The following FUBP3 variants were observed in gnomAD, a reference collection of about 807,000 sequenced individuals.
FUBP3 encodes the protein far upstream element-binding protein 3.
Under a neutral mutation model 85.6 loss-of-function variants are expected in FUBP3, and 28 were observed. That is an observed-to-expected ratio of 0.33 (90% CI 0.24 to 0.45). The LOEUF (loss-of-function observed/expected upper bound fraction) is 0.45, where lower values mean the gene tolerates loss of function less well. FUBP3 is among the 20% of genes least tolerant of loss of function. The pLI, the probability that FUBP3 is intolerant of heterozygous loss-of-function variation, is 1.00. For missense variants in FUBP3, 583 were observed against 755.1 expected (o/e 0.77, Z 2.67); for synonymous variants, 271 against 271.4 (o/e 1.00, Z 0.01).
chr9:130,610,012 A>C, intron 3 of FUBP3, 25 bp downstream of exon 3: 3 of 1,537,698 alleles, frequency 2.0e-6, no homozygotes, highest in Non-Finnish European at 1.8e-6. Context: ...ACGTTTTATT[A>C]TTTATTGATC....
At chr9:130,591,578 C>G (rs934669790) in intron 1 of FUBP3, among the ~76,000 whole-genome samples, 1 of 152,094 alleles carries the variant, frequency 6.6e-6, no homozygotes, top group Admixed American at 6.5e-5. Flanking sequence ...ATAGCCTACA[C>G]CGTAGTATAA....
rs890701133 is a variant in FUBP3 at position 130,637,740 on chromosome 9, A to G, written c.*718A>G. The G allele has an allele frequency of 6.6e-6, 1 of 152,490 alleles. No individual in the cohort carries two copies. The highest frequency in any genetic ancestry group is 1.5e-5 in the Non-Finnish European group (1 of 68,032). 9.4% of individuals were successfully genotyped at this position (152,490 alleles called of 1,614,324 possible). ...CATTACCAGTTGCAATTGTGTATCTAAGACCTCCAAGCTTGTTTTTAAAAC... is the reference window on the plus strand; with the variant it reads ...CATTACCAGTTGCAATTGTGTATCTGAGACCTCCAAGCTTGTTTTTAAAAC... On this transcript the variant is annotated 3_prime_UTR_variant, in exon 19 of 19. Transcript: ENST00000319725.
intron 1 of FUBP3, 114 bp downstream of exon 1, chr9:130,579,878 G>A (rs745556680): frequency 1.7e-5 from 10 of 604,896 alleles, no homozygotes; most frequent in Non-Finnish European, 2.4e-5. Flanking sequence ...CGTCTCAGCC[G>A]GGCCGGGCCG....
At chr9:130,624,160 C>T (rs2119103343) in intron 11 of FUBP3, among the ~76,000 whole-genome samples, 1 of 152,306 alleles carries the variant, frequency 6.6e-6, no homozygotes, top group South Asian at 2.1e-4. Context: ...GTGCTAGGAA[C>T]CCCTATAACT....
At chr9:130,586,406 T>C (rs962020701) in intron 1 of FUBP3, among the ~76,000 whole-genome samples, 3 of 152,254 alleles carry the variant, frequency 2.0e-5, no homozygotes, top group East Asian at 1.9e-4. Context: ...CTCTCTCTCT[T>C]TTTTTTGTAA....
Position 130,635,838 on chromosome 9 carries a change from G to A in FUBP3, c.1583-161G>A, listed in dbSNP as rs1830395023. 1.5e-6 allele frequency: 1 copy of A among 684,064 alleles called. No individual in the cohort carries two copies. The highest frequency in any genetic ancestry group is 1.8e-5 in the African/African-American group (1 of 56,012). The allele number at this position is 684,064 out of a possible 1,614,324, so 42.4% of individuals were successfully genotyped here. ...CAACAAGAGGCTAACAGCACCTTTT[G>A]TAGCAAGCGCTCCTGCAACACCAGC... On this transcript the variant is annotated intron_variant, in intron 17 of 18. Transcript: ENST00000319725. This position sits in a 1 kb window ranked among gnomAD's most constrained non-coding sequence, Gnocchi z 4.3.
At chr9:130,611,128 A>G (rs1831721104) in intron 3 of FUBP3, among the ~76,000 whole-genome samples, 2 of 152,264 alleles carry the variant, frequency 1.3e-5, no homozygotes, top group South Asian at 4.1e-4. Flanking sequence ...GCTTCGTGAC[A>G]TTTTGTATTG....
intron 1 of FUBP3, among the ~76,000 whole-genome samples, chr9:130,593,674 C>G (rs528516413): frequency 6.6e-6 from 1 of 152,282 alleles, no homozygotes; most frequent in Admixed American, 6.5e-5. Context: ...AGGTGTGAGA[C>G]TTCTGGGAAC....
intron 17 of FUBP3, 54 bp downstream of exon 17, chr9:130,634,792 A>C: frequency 2.2e-6 from 3 of 1,375,338 alleles, no homozygotes; most frequent in Non-Finnish European, 3.1e-6. Flanking sequence ...CAGCCCAGAG[A>C]CTTCAGAGTC....
intron 18 of FUBP3, among the ~76,000 whole-genome samples, chr9:130,636,507 G>A (rs1830426417): frequency 6.6e-6 from 1 of 152,262 alleles, no homozygotes; most frequent in Admixed American, 6.5e-5. Context: ...CGAGGAGGGT[G>A]GAGTGGCCAG....
At chr9:130,632,941 C>G (rs542644650) in intron 16 of FUBP3, among the ~76,000 whole-genome samples, 1 of 152,396 alleles carries the variant, frequency 6.6e-6, no homozygotes, top group South Asian at 2.1e-4. Flanking sequence ...GATCCACGTT[C>G]TTTTGACCCA....
In FUBP3 at chr9:130,589,705, A is replaced by ATT. The variant is rs779633795; in HGVS notation, c.85-5756_85-5755dup. 1.5e-3 allele frequency among the ~76,000 whole-genome samples: 112 copies of ATT among 73,804 alleles called. 1 individual carries two copies. Among genetic ancestry groups the ATT allele is most frequent in the East Asian group, 5.3e-3 (16 of 3,014 alleles). 48.4% of individuals were successfully genotyped at this position (73,804 alleles called of 152,430 possible). On this transcript the variant is annotated intron_variant, in intron 1 of 18. Transcript: ENST00000319725. ...TATATATATATATATATATATATAT[A>ATT]TTTTTTTTTTTTTTTTTTTTTTTAA... is the stretch of plus-strand genomic sequence containing the variant.
chr9:130,623,469 C>T, intron 10 of FUBP3, 142 bp from the exon 11 acceptor site: 1 of 628,512 alleles, frequency 1.6e-6, no homozygotes, highest in Non-Finnish European at 2.9e-6. Context: ...CACATCACTC[C>T]AAAAGAGTCC....
Position 130,635,867 on chromosome 9 carries a change from A to C in FUBP3, c.1583-132A>C, listed in dbSNP as rs1172165047. On this transcript the variant is annotated intron_variant, in intron 17 of 18. Coordinates refer to ENST00000319725, the MANE Select transcript of FUBP3 (RefSeq NM_003934.2). The surrounding 1 kb of genome is among the most constrained non-coding windows in gnomAD (Gnocchi z 4.3). ...CAAGCGCTCCTGCAACACCAGCCTC[A>C]CCTCACTGCCTCCCAGACCTCCCTG... 2 of 878,092 alleles carry C rather than the reference A, an allele frequency of 2.3e-6. No individual in the cohort carries two copies. Among genetic ancestry groups the C allele is most frequent in the Admixed American group, 4.6e-5 (2 of 43,270 alleles). The allele number at this position is 878,092 out of a possible 1,614,324, so 54.4% of individuals were successfully genotyped here.
chr9:130,583,285 G>A (rs1830209482), intron 1 of FUBP3, among the ~76,000 whole-genome samples: 1 of 152,188 alleles, frequency 6.6e-6, no homozygotes, highest in South Asian at 2.1e-4. Context: ...TGAGCAGTAG[G>A]TAATTTGGGA....
chr9:130,598,130 C>T (rs190681665), intron 2 of FUBP3, among the ~76,000 whole-genome samples: 4 of 152,336 alleles, frequency 2.6e-5, no homozygotes, highest in Admixed American at 2.6e-4. Flanking sequence ...AGTCAGCTAA[C>T]ATCTGCCTGT....
intron 9 of FUBP3, among the ~76,000 whole-genome samples, chr9:130,622,423 G>A (rs1829796554): frequency 6.6e-6 from 1 of 151,884 alleles, no homozygotes; most frequent in African/African-American, 2.4e-5. Flanking sequence ...CCTGAGGTCT[G>A]GAGTTCAAGA....
intron 1 of FUBP3, among the ~76,000 whole-genome samples, chr9:130,589,704 TA>T (rs1434946439): frequency 0.013 from 438 of 34,208 alleles, 4 homozygotes; most frequent in East Asian, 0.031. Flanking sequence ...TATATATATA[TA>T]TTTTTTTTTT....
At chr9:130,588,914 C>G (rs570518589) in intron 1 of FUBP3, among the ~76,000 whole-genome samples, 1 of 152,298 alleles carries the variant, frequency 6.6e-6, no homozygotes, top group African/African-American at 2.4e-5. Context: ...CTACCTTTCT[C>G]CCAGGCAGGA....
Sources: gnomAD v4.1 joint callset for allele counts (sites outside exome capture counted in the v4.1 genomes callset) on GRCh38, gnomAD v4.1.1 for gene constraint, Gnocchi (gnomAD v3.1) non-coding constraint, MANE v1.5 for transcripts, NCBI Gene and HGNC (gene_info 2026-07-23, HGNC 2026-07-21) for gene names.